Variants in CSMD1 observed in about 807,000 individuals in gnomAD.
CSMD1 encodes the protein CUB and sushi domain-containing protein 1.
Under a neutral mutation model 417.5 loss-of-function variants are expected in CSMD1, and 213 were observed. The observed-to-expected ratio is 0.51, with a 90% CI of 0.46 to 0.57. The LOEUF (loss-of-function observed/expected upper bound fraction) is 0.57. Ranked by LOEUF, CSMD1 falls within the 20% of genes least tolerant of loss-of-function variation. The pLI is 0.00. For synonymous variants in CSMD1, 2,862 were observed against 1,736.8 expected (o/e 1.65, Z -16.11); for missense variants, 6,923 against 4,529.7 (o/e 1.53, Z -15.17).
intron 3 of CSMD1, among the ~76,000 whole-genome samples, chr8:4,074,343 G>T (rs368097833): frequency 6.6e-6 from 1 of 152,074 alleles, no homozygotes; most frequent in East Asian, 1.9e-4. Context: ...GCATCTGAAT[G>T]TAAAATGTAG....
chr8:4,152,170 T>C (rs1339320775), intron 3 of CSMD1, among the ~76,000 whole-genome samples: 1 of 152,320 alleles, frequency 6.6e-6, no homozygotes, highest in South Asian at 2.1e-4. Context: ...TTTATAAAAC[T>C]GTAGCTAACA....
chr8:4,433,380 C>T (rs980070065), intron 2 of CSMD1, among the ~76,000 whole-genome samples: 2 of 152,064 alleles, frequency 1.3e-5, no homozygotes, highest in African/African-American at 4.8e-5. Flanking sequence ...ATGGACATGA[C>T]ATCATTACAT....
At chr8:4,533,418 G>A (rs747586237) in intron 2 of CSMD1, among the ~76,000 whole-genome samples, 18 of 152,210 alleles carry the variant, frequency 1.2e-4, no homozygotes, top group Non-Finnish European at 2.2e-4. Context: ...GGACAAAAAA[G>A]GGGACTTTTG....
At chr8:2,958,086 C>CT (rs1043034577) in intron 62 of CSMD1, among the ~76,000 whole-genome samples, 39 of 152,214 alleles carry the variant, frequency 2.6e-4, no homozygotes, top group African/African-American at 8.9e-4. Context: ...AGAGTTCTTT[C>CT]TTTTTTGTTT....
At chr8:3,567,858 A>G (rs1799780206) in intron 10 of CSMD1, among the ~76,000 whole-genome samples, 1 of 152,034 alleles carries the variant, frequency 6.6e-6, no homozygotes, top group South Asian at 2.1e-4. Context: ...TTCTCATTAT[A>G]TAGTTGGACT....
intron 5 of CSMD1, among the ~76,000 whole-genome samples, chr8:3,784,353 A>C (rs555247270): frequency 2.6e-5 from 4 of 152,336 alleles, no homozygotes; most frequent in African/African-American, 9.6e-5. Context: ...TTCTATTGAA[A>C]AAATGGAGAA....
chr8:4,198,472 G>C (rs534564545), intron 3 of CSMD1, among the ~76,000 whole-genome samples: 24 of 152,252 alleles, frequency 1.6e-4, no homozygotes, highest in Non-Finnish European at 2.6e-4. Flanking sequence ...TGGGGGATGA[G>C]AAAGAAATCA....
At chr8:4,059,071 A>C (rs972274669) in intron 3 of CSMD1, among the ~76,000 whole-genome samples, 1 of 152,322 alleles carries the variant, frequency 6.6e-6, no homozygotes, top group South Asian at 2.1e-4. Context: ...ATGTAAAAGA[A>C]CAGAAATTAT....
intron 3 of CSMD1, among the ~76,000 whole-genome samples, chr8:4,333,453 C>T (rs1799988623): frequency 6.6e-6 from 1 of 152,092 alleles, no homozygotes; most frequent in Non-Finnish European, 1.5e-5. Flanking sequence ...CTTCTCTGAG[C>T]CTCAGTTTCC....
At chr8:3,172,175 C>A (rs1380665162) in intron 37 of CSMD1, among the ~76,000 whole-genome samples, 1 of 152,158 alleles carries the variant, frequency 6.6e-6, no homozygotes, top group Non-Finnish European at 1.5e-5. Context: ...GCTCTTGCCC[C>A]CTTTTTCAAC....
At chr8:3,320,204 G>A (rs142373367) in intron 23 of CSMD1, among the ~76,000 whole-genome samples, 1 of 152,334 alleles carries the variant, frequency 6.6e-6, no homozygotes, top group African/African-American at 2.4e-5. Context: ...CAACTAAGCA[G>A]TGGGGCCCGT....
intron 10 of CSMD1, among the ~76,000 whole-genome samples, chr8:3,508,985 A>G (rs1439414411): frequency 1.3e-5 from 2 of 152,230 alleles, no homozygotes; most frequent in Admixed American, 1.3e-4. Flanking sequence ...TTAAGTGAGA[A>G]TATCTCAGTG....
At chr8:4,342,166 T>G (rs889583436) in intron 3 of CSMD1, among the ~76,000 whole-genome samples, 2 of 151,868 alleles carry the variant, frequency 1.3e-5, no homozygotes, top group East Asian at 3.9e-4. Flanking sequence ...CAAGCCACAT[T>G]CTTACTTCCC....
At chr8:4,382,719 T>A (rs562366733) in intron 3 of CSMD1, among the ~76,000 whole-genome samples, 1 of 150,490 alleles carries the variant, frequency 6.6e-6, no homozygotes, top group African/African-American at 2.4e-5. Context: ...GCTTCTTTGT[T>A]TTTAACGCTT....
rs532598259 is a variant in CSMD1, at chr8:4,530,973, G to A, written c.302+106369C>T. On this transcript the variant is annotated intron_variant, in intron 2 of 69. Coordinates refer to ENST00000635120, the MANE Select transcript of CSMD1 (RefSeq NM_033225.6). ...ACCTAGTATCTGAGCCATACCCTCC[G>A]GCACCAAGATGTGAGGCAAATCACA... Among the ~76,000 whole-genome samples, 11 of 151,900 alleles carry A rather than the reference G, an allele frequency of 7.2e-5. No individual in the cohort carries two copies. The South Asian group carries it at 1.9e-3, about 26-fold the overall frequency.
intron 3 of CSMD1, among the ~76,000 whole-genome samples, chr8:4,334,224 A>G (rs1031136501): frequency 1.3e-5 from 2 of 152,220 alleles, no homozygotes; most frequent in East Asian, 3.9e-4. Flanking sequence ...TTCTGTTTGT[A>G]TCATCCAATA....
At chr8:3,654,300 G>C (rs914164516) in intron 7 of CSMD1, among the ~76,000 whole-genome samples, 12 of 152,088 alleles carry the variant, frequency 7.9e-5, no homozygotes, top group African/African-American at 2.7e-4. Flanking sequence ...GAAATACAAA[G>C]ATTTATAAAA....
intron 31 of CSMD1, among the ~76,000 whole-genome samples, chr8:3,202,501 T>G (rs1797041497): frequency 6.6e-6 from 1 of 152,182 alleles, no homozygotes; most frequent in African/African-American, 2.4e-5. Flanking sequence ...CAAATTTAAC[T>G]GATGCTGTGT....
rs575799168 is a variant in CSMD1, at chr8:4,896,672, G to T, written c.85+97660C>A. ...TTAAATATTGGAAATTTTTTCCGGGGGAAGGATTGCATACGTGCTGGAAGA... is the reference window on the plus strand; with the variant it reads ...TTAAATATTGGAAATTTTTTCCGGGTGAAGGATTGCATACGTGCTGGAAGA... On this transcript the variant is annotated intron_variant, in intron 1 of 69. Coordinates refer to ENST00000635120, the MANE Select transcript of CSMD1 (RefSeq NM_033225.6). Among the ~76,000 whole-genome samples the T allele has an allele frequency of 7.9e-5, 12 of 152,190 alleles. No individual in the cohort carries two copies. The South Asian group carries it at 1.7e-3, about 21-fold the overall frequency.
Sources: gnomAD v4.1 joint callset for allele counts (sites outside exome capture counted in the v4.1 genomes callset) on GRCh38, gnomAD v4.1.1 for gene constraint, MANE v1.5 for transcripts, NCBI Gene and HGNC (gene_info 2026-07-23, HGNC 2026-07-21) for gene names.